APPL2: variants seen among roughly 807,000 people sequenced by gnomAD.
APPL2 encodes the protein adaptor protein, phosphotyrosine interacting with PH domain and leucine zipper 2.
APPL2 carries 84 observed loss-of-function variants against 92.7 expected under a neutral mutation model. That is an observed-to-expected ratio of 0.91 (90% CI 0.76 to 1.09). APPL2 has a LOEUF of 1.09. Ranked by LOEUF, APPL2 falls within the 50% of genes least tolerant of loss-of-function variation. The probability of loss-of-function intolerance (pLI) is 0.00; values close to 1 mark genes in which losing one functional copy is unlikely to be tolerated. For missense variants in APPL2, 736 were observed against 824.5 expected (o/e 0.89, Z 1.31); for synonymous variants, 291 against 291.0 (o/e 1.00, Z 0.00).
intron 2 of APPL2, among the ~76,000 whole-genome samples, chr12:105,226,074 G>A (rs1890479010): frequency 6.6e-6 from 1 of 152,086 alleles, no homozygotes; most frequent in Non-Finnish European, 1.5e-5. Flanking sequence ...AATATTTATG[G>A]AATAACGTGC....
Position 105,174,115 on chromosome 12 carries a change from C to A in APPL2, c.*199G>T. 1 of 551,878 alleles carries A rather than the reference C, an allele frequency of 1.8e-6. No homozygotes were observed. Among genetic ancestry groups the A allele is most frequent in the Non-Finnish European group, 2.9e-6 (1 of 339,184 alleles). 34.2% of individuals were successfully genotyped at this position (551,878 alleles called of 1,614,324 possible). A position where few individuals can be genotyped will look rare whatever the true frequency, so the allele number is the denominator to read the frequency against. ...ACTTACCACAAAGCACCTAAAATAA[C>A]ATTGTAGATGGGTGGGAACGCTGTC... On this transcript the variant is annotated 3_prime_UTR_variant, in exon 21 of 21. Coordinates refer to ENST00000258530, the MANE Select transcript of APPL2 (RefSeq NM_018171.5).
chr12:105,228,616 T>C (rs1890696475), intron 2 of APPL2, among the ~76,000 whole-genome samples: 1 of 152,230 alleles, frequency 6.6e-6, no homozygotes. Flanking sequence ...TCACTTTTGC[T>C]ACTCAGCAAT....
chr12:105,203,739 T>G lies in APPL2; in HGVS notation c.668A>C (p.Asp223Ala), dbSNP rs1888438083. ...KGAEMFSKRMDSFLSSVADMV... is the reference protein window; with the variant it reads ...KGAEMFSKRMASFLSSVADMV... ...GTCTGCAACGGAGGATAAAAAGCTG[T>G]CCATACGTTTGGAAAACATCTCTGC... Residue 223 changes from aspartate (D) to alanine (A), a missense_variant, in exon 9 of 21, where the codon GAC (aspartate) becomes GCC (alanine). Transcript: ENST00000258530. 2 of 1,614,216 alleles carry G rather than the reference T, an allele frequency of 1.2e-6. No individual in the cohort carries two copies. The highest frequency in any genetic ancestry group is 1.7e-6 in the Non-Finnish European group (2 of 1,180,032).
At chr12:105,198,279 T>A (rs991121058) in intron 10 of APPL2, among the ~76,000 whole-genome samples, 1 of 152,140 alleles carries the variant, frequency 6.6e-6, no homozygotes, top group Non-Finnish European at 1.5e-5. Context: ...ACCTGGAGAA[T>A]CATTTCTCTG....
intron 14 of APPL2, among the ~76,000 whole-genome samples, chr12:105,194,325 T>C (rs927316521): frequency 1.3e-5 from 2 of 152,232 alleles, no homozygotes; most frequent in Non-Finnish European, 2.9e-5. Context: ...GAAAGCTGTA[T>C]GCATGAAAAT....
intron 17 of APPL2, among the ~76,000 whole-genome samples, chr12:105,178,896 T>C (rs1383537824): frequency 6.6e-6 from 1 of 152,258 alleles, no homozygotes; most frequent in African/African-American, 2.4e-5. Context: ...AGGTATTTTG[T>C]AAAATTCCCT....
At chr12:105,192,838 G>A (rs1887332100) in intron 14 of APPL2, among the ~76,000 whole-genome samples, 1 of 152,302 alleles carries the variant, frequency 6.6e-6, no homozygotes, top group African/African-American at 2.4e-5. Flanking sequence ...AATATTTGTT[G>A]AGTAGCTAGA....
intron 14 of APPL2, among the ~76,000 whole-genome samples, chr12:105,194,714 T>C (rs537157660): frequency 1.8e-4 from 26 of 144,774 alleles, no homozygotes; most frequent in African/African-American, 6.8e-4. Flanking sequence ...AATAAGTAAG[T>C]AAAAAAATAA....
At chr12:105,208,741 C>T (rs529016414) in intron 5 of APPL2, among the ~76,000 whole-genome samples, 1 of 152,286 alleles carries the variant, frequency 6.6e-6, no homozygotes, top group Non-Finnish European at 1.5e-5. Context: ...AACTATTACT[C>T]CGAGTGAGTG....
chr12:105,201,993 C>T (rs1436299586), intron 9 of APPL2, among the ~76,000 whole-genome samples: 1 of 152,200 alleles, frequency 6.6e-6, no homozygotes, highest in Non-Finnish European at 1.5e-5. Context: ...CCTGGGTGGG[C>T]TGGCTGCTCA....
At chr12:105,176,415 T>C (rs1167006082) in intron 19 of APPL2, 1 of 469,222 alleles carries the variant, frequency 2.1e-6, no homozygotes, top group Non-Finnish European at 3.7e-6. Context: ...AACAGATAAT[T>C]TACTGAAAGG....
At chr12:105,215,286 A>T (rs1018214723) in intron 4 of APPL2, among the ~76,000 whole-genome samples, 3 of 152,096 alleles carry the variant, frequency 2.0e-5, no homozygotes, top group African/African-American at 7.2e-5. Context: ...CTCCAGGTAG[A>T]TATGTCAGAA....
intron 3 of APPL2, 80 bp from the exon 4 acceptor site, chr12:105,217,220 C>A: frequency 2.3e-6 from 2 of 865,076 alleles, no homozygotes; most frequent in South Asian, 1.6e-5. Context: ...CAGAACACGA[C>A]CCTCCACACC....
intron 9 of APPL2, 66 bp downstream of exon 9, chr12:105,203,636 TC>T (rs1888422163): frequency 4.7e-6 from 7 of 1,479,918 alleles, no homozygotes. Context: ...CCCCGTGACC[TC>T]CCAGAGATGT....
At chr12:105,211,363 T>C (rs1889203129) in intron 4 of APPL2, 46 bp from the exon 5 acceptor site, 1 of 1,354,348 alleles carries the variant, frequency 7.4e-7, no homozygotes, top group Admixed American at 1.7e-5. Context: ...TACATTATTA[T>C]TATTGACATA....
chr12:105,174,815 T>C (rs1383552941), intron 20 of APPL2, among the ~76,000 whole-genome samples: 1 of 149,246 alleles, frequency 6.7e-6, no homozygotes, highest in Non-Finnish European at 1.5e-5. Context: ...TTGATTTTTA[T>C]TGGAAAACAG....
At chr12:105,193,403 C>T (rs1016047605) in intron 14 of APPL2, among the ~76,000 whole-genome samples, 3 of 152,344 alleles carry the variant, frequency 2.0e-5, no homozygotes, top group African/African-American at 7.2e-5. Context: ...AGAGCATTTA[C>T]TGACTTACTC....
intron 9 of APPL2, among the ~76,000 whole-genome samples, chr12:105,200,892 C>G (rs893138403): frequency 2.4e-4 from 34 of 139,802 alleles, no homozygotes; most frequent in East Asian, 2.4e-3. Context: ...ATCTATCTAT[C>G]TATCTATCTA....
intron 1 of APPL2, among the ~76,000 whole-genome samples, chr12:105,235,051 G>T (rs762745399): frequency 6.6e-6 from 1 of 152,142 alleles, no homozygotes; most frequent in East Asian, 1.9e-4. Context: ...CAAAAGAGAG[G>T]GGAAAGTGTG....
Sources: allele counts gnomAD v4.1 joint callset (sites outside exome capture counted in the v4.1 genomes callset), GRCh38; gene constraint gnomAD v4.1.1; transcripts MANE v1.5; gene names NCBI Gene and HGNC (gene_info 2026-07-23, HGNC 2026-07-21).